Variants in TC2N observed in about 807,000 individuals in gnomAD.
The protein encoded by TC2N is tandem C2 domains nuclear protein.
Under a neutral mutation model 61.9 loss-of-function variants are expected in TC2N, and 51 were observed. That is an observed-to-expected ratio of 0.82 (90% CI 0.66 to 1.04). The LOEUF (loss-of-function observed/expected upper bound fraction) is 1.04. Ranked by LOEUF, TC2N falls within the 50% of genes least tolerant of loss-of-function variation. TC2N has a pLI of 0.00. For synonymous variants in TC2N, 204 were observed against 192.6 expected (o/e 1.06, Z -0.49); for missense variants, 556 against 566.7 (o/e 0.98, Z 0.19).
At chr14:91,840,394 C>A (rs969132497) in intron 1 of TC2N, among the ~76,000 whole-genome samples, 1 of 152,238 alleles carries the variant, frequency 6.6e-6, no homozygotes, top group Non-Finnish European at 1.5e-5. Flanking sequence ...GAAAATTTAT[C>A]AAAGAGCTTA....
chr14:91,854,061 G>A (rs2498812), intron 1 of TC2N, among the ~76,000 whole-genome samples: 63,338 of 151,888 alleles, frequency 0.42, 13,596 homozygotes, highest in South Asian at 0.51. Context: ...AAAACACAGC[G>A]TGGTTTTGAA....
intron 1 of TC2N, among the ~76,000 whole-genome samples, chr14:91,825,026 C>CTTTT (rs5810554): frequency 1.1e-3 from 74 of 66,808 alleles, no homozygotes; most frequent in Admixed American, 2.3e-3. Flanking sequence ...TTTTTCTTTT[C>CTTTT]TTTTTTTTTT....
chr14:91,792,380 G>A lies in TC2N; in HGVS notation c.1034C>T (p.Pro345Leu), dbSNP rs775540419. ...EMDYSLDITPPSKISVCHAEL... is the reference protein window; with the variant it reads ...EMDYSLDITPLSKISVCHAEL... ...ATTATCGCTTACAGAAATTTTTGAAGGTGGTGTTATATCCAAAGAGTAATC... is the reference window on the plus strand; with the variant it reads ...ATTATCGCTTACAGAAATTTTTGAAAGTGGTGTTATATCCAAAGAGTAATC... Residue 345 changes from proline to leucine, a missense_variant, in exon 9 of 12, where the codon CCT (proline) becomes CTT (leucine). Coordinates refer to ENST00000435962, the MANE Select transcript of TC2N (RefSeq NM_001128596.3). The A allele has an allele frequency of 6.3e-7, 1 of 1,587,846 alleles. No homozygotes were observed. Among genetic ancestry groups the A allele is most frequent in the Non-Finnish European group, 8.6e-7 (1 of 1,166,576 alleles).
intron 1 of TC2N, among the ~76,000 whole-genome samples, chr14:91,864,013 A>G (rs564339452): frequency 2.4e-4 from 37 of 152,230 alleles, no homozygotes; most frequent in African/African-American, 8.4e-4. Flanking sequence ...AAAACCCAGA[A>G]TAAAGAACAG....
chr14:91,802,227 G>T, intron 4 of TC2N, 27 bp downstream of exon 4: 1 of 1,494,956 alleles, frequency 6.7e-7, no homozygotes, highest in Non-Finnish European at 8.9e-7. Flanking sequence ...GAAACACAGA[G>T]AGGAAAAGCA....
chr14:91,823,423 G>C (rs1460936728), intron 1 of TC2N, among the ~76,000 whole-genome samples: 1 of 151,890 alleles, frequency 6.6e-6, no homozygotes, highest in Non-Finnish European at 1.5e-5. Context: ...AGGAGGCTGA[G>C]GCAGGAGAAC....
rs557703775 is a variant in TC2N at position 91,807,091 on chromosome 14, T to C, written c.302-4670A>G. 7.2e-5 allele frequency among the ~76,000 whole-genome samples: 11 copies of C among 152,294 alleles called. No individual in the cohort carries two copies. The East Asian group carries it at 1.4e-3, about 19-fold the overall frequency. ...CCACATGGTTGAGCCTGCAGGTGCA[T>C]AGAAGTCACAAGAATTGAGGTTTGG... On this transcript the variant is annotated intron_variant, in intron 3 of 11. Transcript: ENST00000435962.
Position 91,783,058 on chromosome 14 carries a change from A to G in TC2N, c.*42T>C. ...AGCAAATTGAAATCATAAGTCTTCTAAAAGAATGTCAAGTTCTTCACCAAA... is the reference window on the plus strand; with the variant it reads ...AGCAAATTGAAATCATAAGTCTTCTGAAAGAATGTCAAGTTCTTCACCAAA... On this transcript the variant is annotated 3_prime_UTR_variant, in exon 12 of 12. Transcript: ENST00000435962. 1 of 1,299,696 alleles carries G rather than the reference A, an allele frequency of 7.7e-7. No individual in the cohort carries two copies. The highest frequency in any genetic ancestry group is 1.1e-6 in the Non-Finnish European group (1 of 902,082). The allele number at this position is 1,299,696 out of a possible 1,614,324, so 80.5% of individuals were successfully genotyped here.
chr14:91,833,937 A>C (rs952912427), intron 1 of TC2N, among the ~76,000 whole-genome samples: 4 of 152,216 alleles, frequency 2.6e-5, no homozygotes, highest in African/African-American at 9.6e-5. Context: ...AAAAAAATCA[A>C]ACTTTCAACG....
At chr14:91,810,697 GA>G (rs1886723613) in intron 3 of TC2N, among the ~76,000 whole-genome samples, 1 of 151,828 alleles carries the variant, frequency 6.6e-6, no homozygotes, top group Non-Finnish European at 1.5e-5. Context: ...TGCAGTAGAG[GA>G]AATCTATAAC....
chr14:91,860,727 A>AGCCATAGCC (rs1888573227), intron 1 of TC2N, among the ~76,000 whole-genome samples: 1 of 152,188 alleles, frequency 6.6e-6, no homozygotes, highest in Admixed American at 6.5e-5. Flanking sequence ...TCATCCTTTA[A>AGCCATAGCC]GCCATAGCCA....
In TC2N at chr14:91,797,847, T is replaced by C. The variant is rs781450742; in HGVS notation, c.793A>G (p.Lys265Glu). Residue 265 changes from lysine to glutamate, a missense_variant, in exon 8 of 12, where the codon AAA becomes GAA. Physicochemically the swap from Lys to Glu is moderately conservative, Grantham distance 56. Coordinates refer to ENST00000435962, the MANE Select transcript of TC2N (RefSeq NM_001128596.3). ...SYGDTPTVSI[K>E]GILTLPKPVH... ...GGTTTGGGCAATGTAAGTATTCCTTTTATAGAAACAGTAGGAGTGTCTCCA... is the reference window on the plus strand; with the variant it reads ...GGTTTGGGCAATGTAAGTATTCCTTCTATAGAAACAGTAGGAGTGTCTCCA... 1.9e-6 allele frequency: 3 copies of C among 1,611,628 alleles called. No individual in the cohort carries two copies. Among genetic ancestry groups the C allele is most frequent in the Middle Eastern group, 3.3e-4 (2 of 6,054 alleles).
intron 1 of TC2N, among the ~76,000 whole-genome samples, chr14:91,832,640 C>T (rs1303957049): frequency 6.6e-6 from 1 of 152,090 alleles, no homozygotes; most frequent in South Asian, 2.1e-4. Context: ...ACTTACATCC[C>T]GCTTGTGAGG....
intron 1 of TC2N, among the ~76,000 whole-genome samples, chr14:91,858,927 C>T (rs1888537441): frequency 6.6e-6 from 1 of 152,092 alleles, no homozygotes. Context: ...CTTTAATAGC[C>T]CAAACAACAA....
chr14:91,801,968 T>C (rs989667360), intron 4 of TC2N, among the ~76,000 whole-genome samples: 6 of 152,206 alleles, frequency 3.9e-5, no homozygotes, highest in Non-Finnish European at 7.3e-5. Flanking sequence ...TAATTAACTA[T>C]AGTCTCCATG....
chr14:91,824,889 G>C (rs2139884501), intron 1 of TC2N, among the ~76,000 whole-genome samples: 1 of 152,258 alleles, frequency 6.6e-6, no homozygotes, highest in South Asian at 2.1e-4. Context: ...CAAAAATCTT[G>C]AGTTGTACCC....
At chr14:91,820,566 C>T (rs1566778332) in intron 1 of TC2N, among the ~76,000 whole-genome samples, 2 of 151,524 alleles carry the variant, frequency 1.3e-5, no homozygotes, top group East Asian at 1.9e-4. Context: ...AAGATTTCTA[C>T]TCTCTCTACC....
chr14:91,841,781 C>G (rs1441193148), intron 1 of TC2N, among the ~76,000 whole-genome samples: 1 of 152,172 alleles, frequency 6.6e-6, no homozygotes, highest in Admixed American at 6.5e-5. Flanking sequence ...AGTGACTTTT[C>G]TCTAACCCTT....
At chr14:91,831,014 A>C (rs552880975) in intron 1 of TC2N, among the ~76,000 whole-genome samples, 1 of 152,326 alleles carries the variant, frequency 6.6e-6, no homozygotes, top group African/African-American at 2.4e-5. Flanking sequence ...ACATGCAAAT[A>C]TACCAAGTGC....
Sources: gnomAD v4.1 joint callset for allele counts (sites outside exome capture counted in the v4.1 genomes callset) on GRCh38, gnomAD v4.1.1 for gene constraint, MANE v1.5 for transcripts, NCBI Gene and HGNC (gene_info 2026-07-23, HGNC 2026-07-21) for gene names.